Variants in TAF15 observed in about 807,000 individuals in gnomAD.
TAF15 encodes the protein TATA-box binding protein associated factor 15, also known as TATA-binding protein-associated factor 2N.
TAF15 carries 37 observed loss-of-function variants against 102.5 expected under a neutral mutation model. The ratio of observed to expected loss-of-function variants is 0.36; its 90% CI spans 0.28 to 0.47. The LOEUF is 0.47. Ranked by LOEUF, TAF15 falls within the 20% of genes least tolerant of loss-of-function variation. The pLI, the probability that TAF15 is intolerant of heterozygous loss-of-function variation, is 0.99. For synonymous variants in TAF15, 273 were observed against 259.2 expected (o/e 1.05, Z -0.51); for missense variants, 652 against 760.7 (o/e 0.86, Z 1.68).
chr17:35,841,867 A>T (rs2087551842), intron 11 of TAF15, among the ~76,000 whole-genome samples: 1 of 151,866 alleles, frequency 6.6e-6, no homozygotes, highest in African/African-American at 2.4e-5. Flanking sequence ...CTAGCTAATT[A>T]AAAAAATTTT....
rs574296322 is a variant in TAF15 at position 35,837,549 on chromosome 17, C to T, written c.784-875C>T. ...GTTTTAGAAGTTACATATTTACGGC[C>T]GGGCGTGGTGGCTCACACCTGTAAT... On this transcript the variant is annotated intron_variant, in intron 10 of 15. Coordinates refer to ENST00000605844, the MANE Select transcript of TAF15 (RefSeq NM_139215.3). Among the ~76,000 whole-genome samples the T allele has an allele frequency of 7.9e-5, 12 of 151,810 alleles. No individual in the cohort carries two copies. In the South Asian group the frequency reaches 2.1e-3, roughly 27 times the overall value.
intron 7 of TAF15, among the ~76,000 whole-genome samples, chr17:35,826,582 G>T (rs1344218784): frequency 6.7e-6 from 1 of 148,338 alleles, no homozygotes; most frequent in Admixed American, 6.7e-5. Context: ...TTTTGAGATG[G>T]AGTCTCGCTC....
chr17:35,834,831 C>G (rs917959885), intron 9 of TAF15, among the ~76,000 whole-genome samples: 4 of 149,466 alleles, frequency 2.7e-5, no homozygotes, highest in African/African-American at 5.0e-5. Context: ...CTGCAGCCCC[C>G]ACCTGCCGGG....
Position 35,809,592 on chromosome 17 carries a change from A to C in TAF15, c.7+16A>C. 1 of 1,613,252 alleles carries C rather than the reference A, an allele frequency of 6.2e-7. No individual in the cohort carries two copies. Among genetic ancestry groups the C allele is most frequent in the Non-Finnish European group, 8.5e-7 (1 of 1,179,826 alleles). On this transcript the variant is annotated intron_variant, in intron 1 of 15. Transcript: ENST00000605844. ...GTCATGTCGGGTAGGTGACTTCTTC[A>C]GCGAGCAGCGGCAGCGACGAGAAGG...
intron 5 of TAF15, among the ~76,000 whole-genome samples, chr17:35,822,089 C>A (rs960991643): frequency 6.6e-6 from 1 of 151,276 alleles, no homozygotes; most frequent in Non-Finnish European, 1.5e-5. Flanking sequence ...CACCTGTAAT[C>A]CCAGCACTTT....
chr17:35,809,737 A>C, intron 1 of TAF15, 161 bp downstream of exon 1: 1 of 946,256 alleles, frequency 1.1e-6, no homozygotes, highest in South Asian at 1.4e-5. Context: ...AACTGGAGGC[A>C]CGCACGCTCC....
At chr17:35,833,819 C>G (rs2087436924) in intron 7 of TAF15, 88 bp from the exon 8 acceptor site, 2 of 1,380,298 alleles carry the variant, frequency 1.4e-6, no homozygotes, top group African/African-American at 2.8e-5. Context: ...AAGCACTCTA[C>G]TTGTGACAGT....
chr17:35,809,661 G>C (rs992052667), intron 1 of TAF15, 85 bp downstream of exon 1: 2 of 1,591,794 alleles, frequency 1.3e-6, no homozygotes, highest in Non-Finnish European at 8.6e-7. Flanking sequence ...GGAGGGCCCT[G>C]AGGAGAAGCC....
Position 35,844,990 on chromosome 17 carries a change from G to T in TAF15, c.1691G>T (p.Gly564Val). 1 of 1,612,228 alleles carries T rather than the reference G, an allele frequency of 6.2e-7. No individual in the cohort carries two copies. The highest frequency in any genetic ancestry group is 8.5e-7 in the Non-Finnish European group (1 of 1,178,704). Reference sequence around the variant, plus strand: ...GGCGGCTATGGAGGAGACCGAGGTGGGGGCTACGGAGGAGACCGAGGTGGC... The same window carrying T: ...GGCGGCTATGGAGGAGACCGAGGTGTGGGCTACGGAGGAGACCGAGGTGGC... Reference protein sequence around the residue: ...SGGGYGGDRGGGYGGDRGGYG... With the variant: ...SGGGYGGDRGVGYGGDRGGYG... The change falls in exon 15 of 16, where the codon GGG (glycine) becomes GTG (valine). Residue 564 changes from glycine to valine, a missense_variant. Gly to Val is a moderately radical substitution (Grantham distance 109, BLOSUM62 -3). Around this residue, in one of 3 missense-constraint regions of TAF15, gnomAD observed 368 missense variants for 367.5 expected, o/e 1.00. Coordinates refer to ENST00000605844, the MANE Select transcript of TAF15 (RefSeq NM_139215.3).
At chr17:35,826,930 G>A (rs2087337997) in intron 7 of TAF15, among the ~76,000 whole-genome samples, 1 of 151,030 alleles carries the variant, frequency 6.6e-6, no homozygotes. Context: ...TTTTAAAGAT[G>A]TGCTTTTTAG....
At position 35,817,736 on chromosome 17, in the gene TAF15, T is replaced by A; in HGVS notation, c.28T>A (p.Ser10Thr). 6.2e-7 allele frequency: 1 copy of A among 1,613,614 alleles called. No individual in the cohort carries two copies. Among genetic ancestry groups the A allele is most frequent in the East Asian group, 2.2e-5 (1 of 44,866 alleles). MSDSGSYGQ[S>T]GGEQQSYSTY... The stretch of plus-strand genomic sequence containing the variant: ...TCTAGATTCTGGAAGTTACGGTCAG[T>A]CTGGGGGTGAGCAGCAAAGGTAAAG... Residue 10 changes from serine to threonine, a missense_variant, in exon 2 of 16, where the codon TCT (serine) becomes ACT (threonine). By Grantham distance (58) the Ser-to-Thr change is moderately conservative. This residue lies in a region of TAF15 where 243 missense variants were observed against 284.1 expected (regional missense o/e 0.86). Transcript: ENST00000605844.
At chr17:35,838,762 A>G (rs989112914) in intron 11 of TAF15, among the ~76,000 whole-genome samples, 1 of 152,236 alleles carries the variant, frequency 6.6e-6, no homozygotes, top group African/African-American at 2.4e-5. Context: ...TGCCTTGTGC[A>G]TGAGGCTACC....
chr17:35,836,062 T>C, intron 9 of TAF15, 70 bp from the exon 10 acceptor site: 1 of 1,076,022 alleles, frequency 9.3e-7, no homozygotes, highest in Non-Finnish European at 1.4e-6. Context: ...TAAATTATTG[T>C]CTTTGATTAC....
At chr17:35,816,382 C>G (rs1186107143) in intron 1 of TAF15, among the ~76,000 whole-genome samples, 2 of 152,188 alleles carry the variant, frequency 1.3e-5, no homozygotes, top group East Asian at 3.9e-4. Context: ...CACCTGTAGT[C>G]CCAGCTACGC....
At chr17:35,837,740 T>A (rs1461372914) in intron 10 of TAF15, among the ~76,000 whole-genome samples, 1 of 150,318 alleles carries the variant, frequency 6.7e-6, no homozygotes, top group Non-Finnish European at 1.5e-5. Context: ...GGCAGGAGAG[T>A]GATGTGAACC....
In TAF15 at chr17:35,844,860, G is replaced by C; in HGVS notation, c.1561G>C (p.Gly521Arg). The C allele has an allele frequency of 6.2e-7, 1 of 1,608,778 alleles. No individual in the cohort carries two copies. ...AGGAGGTTATGGAGGAGATCGAGGA[G>C]GCTATGGAGGAGACAGAAGCCGGGG... ...DRGGYGGDRG[G>R]YGGDRSRGGY... Residue 521 changes from glycine (G) to arginine (R), a missense_variant, in exon 15 of 16, where the codon GGC becomes CGC. Gly to Arg is a moderately radical substitution (Grantham distance 125). Transcript: ENST00000605844.
intron 1 of TAF15, chr17:35,811,238 A>G (rs542646185): frequency 6.6e-6 from 1 of 152,350 alleles, no homozygotes; most frequent in Admixed American, 6.5e-5. Context: ...GTGGTTTGCT[A>G]TTTGTAAAAT....
intron 10 of TAF15, among the ~76,000 whole-genome samples, chr17:35,837,890 T>A (rs1196204070): frequency 6.6e-6 from 1 of 152,054 alleles, no homozygotes; most frequent in African/African-American, 2.4e-5. Flanking sequence ...TTTAAAGAAA[T>A]TATAAACTGG....
At chr17:35,842,765 C>G (rs752012092) in intron 12 of TAF15, among the ~76,000 whole-genome samples, 32 of 152,016 alleles carry the variant, frequency 2.1e-4, no homozygotes, top group Non-Finnish European at 4.3e-4. Flanking sequence ...TGGTGTCTCA[C>G]TCTGTTGCTC....
Sources: allele counts gnomAD v4.1 joint callset (sites outside exome capture counted in the v4.1 genomes callset), GRCh38; gene constraint gnomAD v4.1.1; regional missense constraint gnomAD v4.1.1; transcripts MANE v1.5; gene names NCBI Gene and HGNC (gene_info 2026-07-23, HGNC 2026-07-21).